ARAP2: variants seen among roughly 807,000 people sequenced by gnomAD.
The protein encoded by ARAP2 is ArfGAP with RhoGAP domain, ankyrin repeat and PH domain 2.
ARAP2 carries 148 observed loss-of-function variants against 194.5 expected under a neutral mutation model. The observed-to-expected ratio is 0.76, with a 90% confidence interval of 0.67 to 0.87. The LOEUF (loss-of-function observed/expected upper bound fraction) is 0.87, where lower values mean the gene tolerates loss of function less well. ARAP2 is among the 40% of genes least tolerant of loss of function. ARAP2 has a pLI of 0.00. For missense variants in ARAP2, 2,128 were observed against 1,989.7 expected (o/e 1.07, Z -1.32); for synonymous variants, 695 against 683.5 (o/e 1.02, Z -0.26).
At chr4:36,109,197 A>G (rs1247789931) in intron 26 of ARAP2, among the ~76,000 whole-genome samples, 2 of 151,970 alleles carry the variant, frequency 1.3e-5, no homozygotes, top group Non-Finnish European at 2.9e-5. Flanking sequence ...GTAAATTACC[A>G]GATGTTTGCT....
intron 15 of ARAP2, among the ~76,000 whole-genome samples, chr4:36,151,519 A>G (rs1385614177): frequency 6.6e-6 from 1 of 152,196 alleles, no homozygotes; most frequent in Admixed American, 6.5e-5. Context: ...CCTGCAGGCT[A>G]AATCAGAACA....
At chr4:36,199,740 G>C (rs1356914106) in intron 6 of ARAP2, among the ~76,000 whole-genome samples, 1 of 152,086 alleles carries the variant, frequency 6.6e-6, no homozygotes, top group Non-Finnish European at 1.5e-5. Flanking sequence ...TCAGTTATAA[G>C]AATAAATTCT....
chr4:36,009,173 G>A (rs376685893), intron 9 of ARAP2, among the ~76,000 whole-genome samples: 1 of 152,056 alleles, frequency 6.6e-6, no homozygotes, highest in East Asian at 1.9e-4. Context: ...ACTACCATTT[G>A]ACTCAGCAAT....
intron 20 of ARAP2, among the ~76,000 whole-genome samples, chr4:36,131,705 A>G (rs1234488394): frequency 6.6e-6 from 1 of 151,742 alleles, no homozygotes; most frequent in Non-Finnish European, 1.5e-5. Flanking sequence ...TTCTTGCTTA[A>G]GAAAGGCCTT....
intron 26 of ARAP2, among the ~76,000 whole-genome samples, chr4:36,108,538 G>C (rs1227920502): frequency 6.6e-6 from 1 of 151,890 alleles, no homozygotes; most frequent in Non-Finnish European, 1.5e-5. Context: ...CAATATTATA[G>C]ACTAACTATT....
downstream of ARAP2, among the ~76,000 whole-genome samples, chr4:36,062,235 A>T (rs1441630593): frequency 3.3e-5 from 5 of 152,134 alleles, no homozygotes; most frequent in African/African-American, 1.2e-4. Context: ...CCGTTGTCCT[A>T]AAAAGTTTCC....
chr4:36,190,508 T>A (rs1355565866), intron 7 of ARAP2, among the ~76,000 whole-genome samples: 1 of 152,216 alleles, frequency 6.6e-6, no homozygotes, highest in Non-Finnish European at 1.5e-5. Context: ...TAATATTTCT[T>A]GAAATTCATT....
intron 1 of ARAP2, among the ~76,000 whole-genome samples, chr4:36,242,278 C>T (rs767244952): frequency 3.3e-5 from 5 of 152,082 alleles, no homozygotes; most frequent in Non-Finnish European, 5.9e-5. Context: ...AAAACTCTTA[C>T]AATGTAGCAT....
chr4:36,188,448 T>C (rs968072855), intron 7 of ARAP2, among the ~76,000 whole-genome samples: 1 of 152,182 alleles, frequency 6.6e-6, no homozygotes, highest in African/African-American at 2.4e-5. Flanking sequence ...CTGTGAGGTA[T>C]ACCTTTACAA....
At chr4:36,150,579 T>C (rs1307410839) in intron 16 of ARAP2, among the ~76,000 whole-genome samples, 1 of 151,792 alleles carries the variant, frequency 6.6e-6, no homozygotes, top group Non-Finnish European at 1.5e-5. Context: ...GAGGCGGAGG[T>C]TGCAGTGAGC....
intron 9 of ARAP2, among the ~76,000 whole-genome samples, chr4:36,175,605 C>T (rs1737713709): frequency 6.6e-6 from 1 of 151,998 alleles, no homozygotes; most frequent in Admixed American, 6.6e-5. Context: ...AAAAAAAACA[C>T]ACACATATAC....
chr4:36,029,157 T>G (rs1718484401), intron 5 of ARAP2, among the ~76,000 whole-genome samples: 1 of 151,738 alleles, frequency 6.6e-6, no homozygotes, highest in African/African-American at 2.4e-5. Flanking sequence ...CTTCTATATC[T>G]TTATTCATTC....
At chr4:36,190,885 T>C (rs1322159926) in intron 7 of ARAP2, among the ~76,000 whole-genome samples, 1 of 152,210 alleles carries the variant, frequency 6.6e-6, no homozygotes, top group African/African-American at 2.4e-5. Context: ...CATGACATGA[T>C]TGGCTTAACA....
intron 1 of ARAP2, among the ~76,000 whole-genome samples, chr4:36,240,126 T>C (rs1200680740): frequency 6.6e-6 from 1 of 152,102 alleles, no homozygotes; most frequent in Non-Finnish European, 1.5e-5. Flanking sequence ...CGTATAGTAT[T>C]TCTATTAGAA....
intron 9 of ARAP2, chr4:36,007,149 G>A (rs1214349791): frequency 1.3e-5 from 2 of 152,146 alleles, no homozygotes; most frequent in Non-Finnish European, 2.9e-5. Flanking sequence ...CCATGTCAAA[G>A]TAAAATGTAT....
intron 25 of ARAP2, among the ~76,000 whole-genome samples, chr4:36,115,438 T>C (rs1044269924): frequency 6.6e-6 from 1 of 151,978 alleles, no homozygotes; most frequent in Non-Finnish European, 1.5e-5. Context: ...CTTTAAAAAA[T>C]AATAAATTAT....
chr4:36,080,469 T>G (rs951475577), intron 30 of ARAP2, among the ~76,000 whole-genome samples, 190 bp from the exon 31 acceptor site: 2 of 152,214 alleles, frequency 1.3e-5, no homozygotes, highest in Non-Finnish European at 2.9e-5. Context: ...TACGAAGTTA[T>G]AGTGTAAATA....
chr4:36,102,889 G>A (rs1049445006), intron 27 of ARAP2, among the ~76,000 whole-genome samples: 2 of 151,624 alleles, frequency 1.3e-5, no homozygotes, highest in Non-Finnish European at 2.9e-5. Flanking sequence ...TCAGGAAATT[G>A]GTACTCCATA....
intron 8 of ARAP2, 30 bp downstream of exon 8, chr4:36,187,421 T>C (rs1740816828): frequency 1.7e-6 from 2 of 1,210,368 alleles, no homozygotes; most frequent in Non-Finnish European, 2.2e-6. Flanking sequence ...GAAATTAATG[T>C]ATTTCATATG....
Sources: gnomAD v4.1 joint callset for allele counts (sites outside exome capture counted in the v4.1 genomes callset) on GRCh38, gnomAD v4.1.1 for gene constraint, MANE v1.5 for transcripts, NCBI Gene and HGNC (gene_info 2026-07-23, HGNC 2026-07-21) for gene names.